Variants in DISC1 observed in about 807,000 individuals in gnomAD.
The protein encoded by DISC1 is DISC1 scaffold protein.
Under a neutral mutation model 84.5 loss-of-function variants are expected in DISC1, and 57 were observed. The observed-to-expected ratio is 0.67, with a 90% CI of 0.55 to 0.84. DISC1 has a LOEUF of 0.84. Ranked by LOEUF, DISC1 falls within the 40% of genes least tolerant of loss-of-function variation. The probability of loss-of-function intolerance (pLI) is 0.00; values close to 1 mark genes in which losing one functional copy is unlikely to be tolerated. For synonymous variants in DISC1, 411 were observed against 415.2 expected (o/e 0.99, Z 0.12); for missense variants, 1,000 against 1,057.8 (o/e 0.95, Z 0.76).
At chr1:231,666,962 G>C (rs1214955333) in intron 1 of DISC1, among the ~76,000 whole-genome samples, 1 of 152,122 alleles carries the variant, frequency 6.6e-6, no homozygotes, top group East Asian at 1.9e-4. Flanking sequence ...GTGTTTAAAT[G>C]TTTATGTATT....
At chr1:231,812,781 C>T (rs890041076) in intron 8 of DISC1, among the ~76,000 whole-genome samples, 3 of 147,120 alleles carry the variant, frequency 2.0e-5, no homozygotes, top group Non-Finnish European at 4.5e-5. Context: ...CATTGACTTT[C>T]CAAATTTTCA....
chr1:231,750,085 T>A lies in DISC1; in HGVS notation c.1268+9T>A. Reference sequence around the variant, plus strand: ...CGTGGGGCCACTCAGCAGTGAGTACTTGTTATTGTCACCATTTTCCCCTCA... The same window carrying A: ...CGTGGGGCCACTCAGCAGTGAGTACATGTTATTGTCACCATTTTCCCCTCA... On this transcript the variant is annotated intron_variant, in intron 4 of 12. Transcript: ENST00000439617. 1 of 1,609,506 alleles carries A rather than the reference T, an allele frequency of 6.2e-7. No homozygotes were observed. The highest frequency in any genetic ancestry group is 8.5e-7 in the Non-Finnish European group (1 of 1,177,412).
chr1:231,656,849 T>G (rs1422767811), intron 1 of DISC1, among the ~76,000 whole-genome samples: 1 of 152,212 alleles, frequency 6.6e-6, no homozygotes, highest in African/African-American at 2.4e-5. Context: ...TTTTCATCAT[T>G]TAGTTCCCAC....
intron 9 of DISC1, among the ~76,000 whole-genome samples, chr1:231,912,781 C>T (rs964074554): frequency 2.1e-5 from 3 of 145,544 alleles, no homozygotes; most frequent in South Asian, 4.3e-4. Context: ...TTCTTTCTTT[C>T]TTTCTTTCTT....
At chr1:231,760,674 T>C (rs2075574719) in intron 4 of DISC1, among the ~76,000 whole-genome samples, 1 of 152,224 alleles carries the variant, frequency 6.6e-6, no homozygotes, top group Non-Finnish European at 1.5e-5. Context: ...CTGTGTTACA[T>C]GTGAAGATGC....
chr1:231,694,858 C>A, intron 2 of DISC1, 53 bp downstream of exon 2: 1 of 1,597,038 alleles, frequency 6.3e-7, no homozygotes, highest in East Asian at 2.3e-5. Flanking sequence ...CTCAGATTAG[C>A]ACTGGGCAGA....
chr1:231,744,353 T>C (rs1444391071), intron 3 of DISC1, among the ~76,000 whole-genome samples: 1 of 152,218 alleles, frequency 6.6e-6, no homozygotes, highest in African/African-American at 2.4e-5. Context: ...GAAGCTCTGA[T>C]GAATGGTATC....
At chr1:231,987,636 G>A (rs1030621098) in intron 10 of DISC1, among the ~76,000 whole-genome samples, 1 of 152,144 alleles carries the variant, frequency 6.6e-6, no homozygotes, top group Admixed American at 6.5e-5. Flanking sequence ...GAAGGACCCA[G>A]GTACCTGGGA....
chr1:231,883,438 A>T (rs567029228), intron 9 of DISC1, among the ~76,000 whole-genome samples: 3 of 152,178 alleles, frequency 2.0e-5, no homozygotes, highest in Admixed American at 6.5e-5. Flanking sequence ...TTGCACAGGG[A>T]CTTGTGATGA....
intron 9 of DISC1, among the ~76,000 whole-genome samples, chr1:231,926,987 T>C (rs2090392171): frequency 6.6e-6 from 1 of 152,212 alleles, no homozygotes; most frequent in Non-Finnish European, 1.5e-5. Flanking sequence ...TTCCAGATAG[T>C]CCAATGATGC....
intron 10 of DISC1, among the ~76,000 whole-genome samples, chr1:231,977,016 G>T (rs1031164815): frequency 1.3e-5 from 2 of 152,162 alleles, no homozygotes; most frequent in African/African-American, 4.8e-5. Context: ...GACTCAGAGA[G>T]ATTCAGCACC....
chr1:231,664,418 A>G (rs2061835278), intron 1 of DISC1, among the ~76,000 whole-genome samples: 1 of 152,186 alleles, frequency 6.6e-6, no homozygotes, highest in Non-Finnish European at 1.5e-5. Context: ...CCTGGAACCT[A>G]TGAATATTTT....
chr1:231,887,201 C>T (rs898356384), intron 9 of DISC1, among the ~76,000 whole-genome samples: 4 of 152,056 alleles, frequency 2.6e-5, no homozygotes, highest in African/African-American at 4.8e-5. Flanking sequence ...TTTAAGTGCA[C>T]GTTATTATTC....
Position 231,675,453 on chromosome 1 carries a change from T to C in DISC1, c.68-18373T>C, listed in dbSNP as rs963937471. On this transcript the variant is annotated intron_variant, in intron 1 of 12. Coordinates refer to ENST00000439617, the MANE Select transcript of DISC1 (RefSeq NM_018662.3). The surrounding 1 kb of genome is among the most constrained non-coding windows in gnomAD (Gnocchi z 4.1). ...GGATCTATTGTGAACCGGTTGGAAG[T>C]TGATTTTTGACCCTAAGAAATTAGT... Among the ~76,000 whole-genome samples, 4 of 152,138 alleles carry C rather than the reference T, an allele frequency of 2.6e-5. No homozygotes were observed. Among genetic ancestry groups the C allele is most frequent in the African/African-American group, 9.7e-5 (4 of 41,418 alleles).
At chr1:231,996,220 C>A (rs1486070432) in intron 10 of DISC1, among the ~76,000 whole-genome samples, 1 of 152,014 alleles carries the variant, frequency 6.6e-6, no homozygotes, top group Admixed American at 6.5e-5. Context: ...TGTTTGTGTT[C>A]ATTGTAGATT....
intron 9 of DISC1, among the ~76,000 whole-genome samples, chr1:231,887,135 C>T (rs939566290): frequency 5.9e-5 from 9 of 152,102 alleles, no homozygotes; most frequent in African/African-American, 1.9e-4. Flanking sequence ...GCTGGGATTA[C>T]AGGCGTGAGC....
intron 11 of DISC1, among the ~76,000 whole-genome samples, chr1:232,025,356 G>C (rs74144338): frequency 0.02 from 3,084 of 152,242 alleles, 95 homozygotes; most frequent in African/African-American, 0.068. Context: ...GGCTTTGTGC[G>C]AGGTCCTATG....
intron 11 of DISC1, among the ~76,000 whole-genome samples, chr1:232,019,216 T>G (rs1255080017): frequency 6.6e-6 from 1 of 151,946 alleles, no homozygotes; most frequent in East Asian, 1.9e-4. Flanking sequence ...CTGGAAGAAG[T>G]GGAATCTGCA....
intron 8 of DISC1, among the ~76,000 whole-genome samples, chr1:231,808,144 A>C (rs967345220): frequency 6.6e-6 from 1 of 152,228 alleles, no homozygotes; most frequent in African/African-American, 2.4e-5. Flanking sequence ...AAATTTAAAA[A>C]TACTGGTACC....
Sources: gnomAD v4.1 joint callset for allele counts (sites outside exome capture counted in the v4.1 genomes callset) on GRCh38, gnomAD v4.1.1 for gene constraint, Gnocchi (gnomAD v3.1) non-coding constraint, MANE v1.5 for transcripts, NCBI Gene and HGNC (gene_info 2026-07-23, HGNC 2026-07-21) for gene names.